Variants in SOS2 observed in about 807,000 individuals in gnomAD.
The protein encoded by SOS2 is SOS Ras/Rho guanine nucleotide exchange factor 2.
SOS2 carries 65 observed loss-of-function variants against 148.2 expected under a neutral mutation model. The ratio of observed to expected loss-of-function variants is 0.44; its 90% confidence interval spans 0.36 to 0.54. The LOEUF is 0.54. Ranked by LOEUF, SOS2 falls within the 20% of genes least tolerant of loss-of-function variation. The pLI is 0.00. For synonymous variants in SOS2, 539 were observed against 537.1 expected, an observed-to-expected ratio of 1.00 and a Z score of -0.05; for missense variants, 1,341 against 1,590.2, an observed-to-expected ratio of 0.84 and a Z score of 2.67.
intron 1 of SOS2, among the ~76,000 whole-genome samples, chr14:50,207,292 C>T (rs978385481): frequency 1.3e-5 from 2 of 150,680 alleles, no homozygotes; most frequent in Admixed American, 6.6e-5. Flanking sequence ...GTCAGAGGAT[C>T]GCTTGAGGCC....
In SOS2 at chr14:50,224,310, T is replaced by TAC. The variant is rs1301626711; in HGVS notation, c.87+6886_87+6887insGT. On this transcript the variant is annotated intron_variant, in intron 1 of 22. Transcript: ENST00000216373. ...CGTCTCAGGAAAAAAAAAAAATATATATATACACACACACACACACACACA... is the reference window on the plus strand; with the variant it reads ...CGTCTCAGGAAAAAAAAAAAATATATACATATACACACACACACACACACACA... 5.6e-4 allele frequency among the ~76,000 whole-genome samples: 35 copies of TAC among 62,000 alleles called. No homozygotes were observed. The South Asian group carries it at 7.3e-3, about 13-fold the overall frequency. The allele number at this position is 62,000 out of a possible 152,430, so 40.7% of individuals were successfully genotyped here.
chr14:50,215,487 T>C, intron 1 of SOS2: 13 of 1,240,110 alleles, frequency 1.0e-5, no homozygotes, highest in Non-Finnish European at 1.0e-5. Flanking sequence ...GCCTATCATA[T>C]TTTTTGAAAG....
chr14:50,175,697 T>C (rs1885501035), intron 7 of SOS2, among the ~76,000 whole-genome samples: 1 of 152,126 alleles, frequency 6.6e-6, no homozygotes, highest in South Asian at 2.1e-4. Flanking sequence ...AATGGTTTTC[T>C]AAAATTTATA....
intron 1 of SOS2, among the ~76,000 whole-genome samples, chr14:50,229,106 A>T (rs1010681495): frequency 6.6e-6 from 1 of 152,198 alleles, no homozygotes; most frequent in African/African-American, 2.4e-5. Context: ...AACTTCCTGC[A>T]AAGAAAGAGT....
At chr14:50,224,701 T>G (rs370474052) in intron 1 of SOS2, among the ~76,000 whole-genome samples, 2 of 134,312 alleles carry the variant, frequency 1.5e-5, no homozygotes, top group South Asian at 2.4e-4. Context: ...CCAGAGGACA[T>G]AGCAAGACCT....
chr14:50,172,140 T>C (rs1050893487), intron 8 of SOS2, among the ~76,000 whole-genome samples: 1 of 152,212 alleles, frequency 6.6e-6, no homozygotes, highest in Non-Finnish European at 1.5e-5. Flanking sequence ...CAAATTTCTG[T>C]AATCTGATGT....
At chr14:50,200,081 C>T (rs779507845) in intron 3 of SOS2, among the ~76,000 whole-genome samples, 2 of 152,094 alleles carry the variant, frequency 1.3e-5, no homozygotes, top group South Asian at 4.1e-4. Flanking sequence ...TATCAAACAA[C>T]AACAGTTGAT....
chr14:50,198,048 G>C (rs1886369942), intron 4 of SOS2, among the ~76,000 whole-genome samples: 1 of 147,882 alleles, frequency 6.8e-6, no homozygotes, highest in Non-Finnish European at 1.5e-5. Flanking sequence ...AATTATTCCA[G>C]ACTGAAGACG....
At chr14:50,136,061 A>C (rs1308754628) in intron 18 of SOS2, among the ~76,000 whole-genome samples, 1 of 152,270 alleles carries the variant, frequency 6.6e-6, no homozygotes, top group East Asian at 1.9e-4. Context: ...AATTCTTCCC[A>C]TTTTTAAGGC....
intron 2 of SOS2, among the ~76,000 whole-genome samples, chr14:50,203,459 T>C (rs1886563253): frequency 6.6e-6 from 1 of 152,112 alleles, no homozygotes; most frequent in Non-Finnish European, 1.5e-5. Context: ...TTAATATTAA[T>C]TTTATGTGCA....
At chr14:50,194,082 T>C (rs919052097) in intron 4 of SOS2, among the ~76,000 whole-genome samples, 1 of 152,158 alleles carries the variant, frequency 6.6e-6, no homozygotes, top group African/African-American at 2.4e-5. Context: ...TGACAGTCTC[T>C]TGTGACAAAT....
intron 7 of SOS2, among the ~76,000 whole-genome samples, chr14:50,176,996 C>T (rs574998356): frequency 9.2e-5 from 14 of 151,992 alleles, no homozygotes; most frequent in South Asian, 4.2e-4. Flanking sequence ...GGTGAAAGAG[C>T]GAGATTCCGC....
chr14:50,180,747 AG>A (rs1195919628), intron 6 of SOS2, 65 bp from the exon 7 acceptor site: 1 of 890,218 alleles, frequency 1.1e-6, no homozygotes. Context: ...AATATGGTAC[AG>A]ATTATTATCA....
At chr14:50,216,254 G>T (rs532002576) in intron 1 of SOS2, among the ~76,000 whole-genome samples, 2 of 151,318 alleles carry the variant, frequency 1.3e-5, no homozygotes, top group African/African-American at 2.4e-5. Flanking sequence ...GCACCATCAC[G>T]CCCAGCTAAT....
intron 21 of SOS2, among the ~76,000 whole-genome samples, chr14:50,124,352 A>C (rs1331061098): frequency 1.3e-5 from 2 of 152,206 alleles, no homozygotes; most frequent in Non-Finnish European, 2.9e-5. Context: ...CAGTAGGATG[A>C]ATCTTCATGC....
intron 3 of SOS2, 62 bp from the exon 4 acceptor site, chr14:50,199,917 A>C: frequency 9.5e-7 from 1 of 1,058,198 alleles, no homozygotes; most frequent in East Asian, 2.7e-5. Flanking sequence ...ACACACTTAA[A>C]AAATTCCTAT....
rs577077584 is a variant in SOS2 at position 50,208,697 on chromosome 14, T to C, written c.88-4288A>G. ...AAAGCTACAATAAAATCATAGTTAATAGTAAGACAAGACACTGACAGCTTT... is the reference window on the plus strand; with the variant it reads ...AAAGCTACAATAAAATCATAGTTAACAGTAAGACAAGACACTGACAGCTTT... On this transcript the variant is annotated intron_variant, in intron 1 of 22. Transcript: ENST00000216373. Among the ~76,000 whole-genome samples, 9 of 152,228 alleles carry C rather than the reference T, an allele frequency of 5.9e-5. No individual in the cohort carries two copies. In the East Asian group the frequency reaches 7.7e-4, roughly 13 times the overall value.
intron 8 of SOS2, among the ~76,000 whole-genome samples, chr14:50,162,293 A>G (rs1280075909): frequency 2.0e-5 from 3 of 151,950 alleles, no homozygotes; most frequent in Admixed American, 2.0e-4. Context: ...ATGCCACCAC[A>G]TCCAGCTAAT....
intron 4 of SOS2, among the ~76,000 whole-genome samples, chr14:50,191,127 C>G (rs1276664075): frequency 2.0e-5 from 3 of 152,046 alleles, no homozygotes; most frequent in African/African-American, 7.2e-5. Flanking sequence ...CTTGTTTTCT[C>G]TAGTTTTTGA....
Sources: gnomAD v4.1 joint callset for allele counts (sites outside exome capture counted in the v4.1 genomes callset) on GRCh38, gnomAD v4.1.1 for gene constraint, MANE v1.5 for transcripts, NCBI Gene and HGNC (gene_info 2026-07-23, HGNC 2026-07-21) for gene names.